COL23A1: variants seen among roughly 807,000 people sequenced by gnomAD.
COL23A1 encodes collagen alpha-1(XXIII) chain.
A neutral mutation model predicts 99.3 loss-of-function variants in COL23A1; 97 were observed. The observed-to-expected ratio is 0.98, with a 90% CI of 0.83 to 1.16. The LOEUF is 1.16. COL23A1 is among the 50% of genes most tolerant of loss of function. COL23A1 has a pLI of 0.00. For synonymous variants in COL23A1, 320 were observed against 308.2 expected (o/e 1.04, Z -0.40); for missense variants, 762 against 757.4 (o/e 1.01, Z -0.07).
intron 3 of COL23A1, among the ~76,000 whole-genome samples, chr5:178,304,506 A>C (rs982450069): frequency 1.6e-4 from 12 of 74,914 alleles, no homozygotes; most frequent in Admixed American, 2.5e-4. Context: ...CGACTGTCTC[A>C]AAAAAAAAAA....
At chr5:178,314,855 T>C (rs1415697257) in intron 2 of COL23A1, among the ~76,000 whole-genome samples, 1 of 152,196 alleles carries the variant, frequency 6.6e-6, no homozygotes, top group Admixed American at 6.5e-5. Context: ...AGTCACGCAG[T>C]TCTGATTGAG....
chr5:178,508,051 T>A (rs1250386253), intron 2 of COL23A1, among the ~76,000 whole-genome samples: 1 of 152,048 alleles, frequency 6.6e-6, no homozygotes, highest in Admixed American at 6.5e-5. Flanking sequence ...TTTGGTCTAT[T>A]TTCTCTCTGT....
chr5:178,504,456 GC>G (rs902250267), intron 2 of COL23A1, among the ~76,000 whole-genome samples: 10 of 152,172 alleles, frequency 6.6e-5, no homozygotes, highest in Admixed American at 3.9e-4. Flanking sequence ...ATGGGGACAG[GC>G]AACAGGTGGG....
intron 2 of COL23A1, among the ~76,000 whole-genome samples, chr5:178,336,195 AAC>A (rs10533047): frequency 0.46 from 69,287 of 151,866 alleles, 16,634 homozygotes; most frequent in East Asian, 0.8. Flanking sequence ...CAAAAAGCTA[AAC>A]ACAGAGTTAC....
intron 2 of COL23A1, among the ~76,000 whole-genome samples, chr5:178,445,867 C>T (rs954431207): frequency 2.6e-5 from 4 of 151,826 alleles, no homozygotes; most frequent in Non-Finnish European, 5.9e-5. Flanking sequence ...AACTGAAAAC[C>T]ATTTTGCAAT....
intron 2 of COL23A1, among the ~76,000 whole-genome samples, chr5:178,516,147 A>T (rs1359554255): frequency 1.3e-5 from 2 of 148,878 alleles, no homozygotes; most frequent in African/African-American, 5.0e-5. Flanking sequence ...CCACCACCCT[A>T]CCCCTCTTCC....
At chr5:178,424,256 T>C (rs915808403) in intron 2 of COL23A1, among the ~76,000 whole-genome samples, 1 of 152,240 alleles carries the variant, frequency 6.6e-6, no homozygotes, top group Non-Finnish European at 1.5e-5. Context: ...TCTCCAGTCC[T>C]CTCCAGGATG....
At chr5:178,286,391 C>T (rs773389074) in intron 5 of COL23A1, among the ~76,000 whole-genome samples, 5 of 152,170 alleles carry the variant, frequency 3.3e-5, no homozygotes, top group Non-Finnish European at 5.9e-5. Context: ...TCCTTCTCTC[C>T]GTTCCCAGCC....
At chr5:178,375,493 T>A (rs1162056541) in intron 2 of COL23A1, among the ~76,000 whole-genome samples, 1 of 152,244 alleles carries the variant, frequency 6.6e-6, no homozygotes, top group Non-Finnish European at 1.5e-5. Context: ...ACTTTCTGTC[T>A]CACACAGAGT....
intron 2 of COL23A1, among the ~76,000 whole-genome samples, chr5:178,386,646 C>A (rs113374901): frequency 3.3e-5 from 5 of 152,170 alleles, no homozygotes; most frequent in African/African-American, 1.2e-4. Flanking sequence ...GTGAACTCCC[C>A]CGCCCCCACA....
rs147603005 is a variant in COL23A1, at chr5:178,554,074, G to A, written c.361+6608C>T. ...ACAAGGAGGATAAGTGTGAGGTCAC[G>A]GAGCCGGTGAGCAACAGAGAATCGG... On this transcript the variant is annotated intron_variant, in intron 2 of 28. Transcript: ENST00000390654. Among the ~76,000 whole-genome samples, 562 of 152,320 alleles carry A rather than the reference G, an allele frequency of 3.7e-3. 5 individuals carry two copies. The highest frequency in any genetic ancestry group is 0.013 in the African/African-American group (545 of 41,574).
chr5:178,527,274 G>A lies in COL23A1; in HGVS notation c.361+33408C>T, dbSNP rs188058332. ...TCTGAGCTGACTGACACTCACCCTCGCCCTGAGAGCTCTCCCTTCTGTGCT... is the reference window on the plus strand; with the variant it reads ...TCTGAGCTGACTGACACTCACCCTCACCCTGAGAGCTCTCCCTTCTGTGCT... On this transcript the variant is annotated intron_variant, in intron 2 of 28. Transcript: ENST00000390654. 2.9e-3 allele frequency among the ~76,000 whole-genome samples: 449 copies of A among 152,314 alleles called. 3 individuals are homozygous for A. The highest frequency in any genetic ancestry group is 5.0e-3 in the Non-Finnish European group (342 of 68,012).
chr5:178,540,040 C>T (rs1239387634), intron 2 of COL23A1, among the ~76,000 whole-genome samples: 1 of 152,184 alleles, frequency 6.6e-6, no homozygotes, highest in Non-Finnish European at 1.5e-5. Flanking sequence ...TTTAGAAACA[C>T]TATTTGACAA....
At chr5:178,405,134 C>T (rs1452938673) in intron 2 of COL23A1, among the ~76,000 whole-genome samples, 1 of 152,348 alleles carries the variant, frequency 6.6e-6, no homozygotes, top group East Asian at 1.9e-4. Flanking sequence ...ACACTGGCAG[C>T]CCAAGGGCCA....
chr5:178,335,806 A>G (rs571291466), intron 2 of COL23A1, among the ~76,000 whole-genome samples: 1 of 152,362 alleles, frequency 6.6e-6, no homozygotes, highest in East Asian at 1.9e-4. Flanking sequence ...AACTTCTTGC[A>G]CAGTTCTTGC....
chr5:178,328,699 C>T (rs1011975195), intron 2 of COL23A1, among the ~76,000 whole-genome samples: 6 of 152,000 alleles, frequency 3.9e-5, no homozygotes, highest in African/African-American at 1.4e-4. Context: ...ACTAATTACT[C>T]GAAAAAAAAG....
chr5:178,580,355 T>C (rs1581677257), intron 1 of COL23A1, among the ~76,000 whole-genome samples: 1 of 149,686 alleles, frequency 6.7e-6, no homozygotes, highest in South Asian at 2.1e-4. Flanking sequence ...AGAAAGAAAC[T>C]AGAGGACATG....
Position 178,541,852 on chromosome 5 carries a change from A to G in COL23A1, c.361+18830T>C, listed in dbSNP as rs116076487. Among the ~76,000 whole-genome samples, 582 of 152,310 alleles carry G rather than the reference A, an allele frequency of 3.8e-3. 1 individual carries two copies. Among genetic ancestry groups the G allele is most frequent in the African/African-American group, 0.014 (563 of 41,578 alleles). On this transcript the variant is annotated intron_variant, in intron 2 of 28. Transcript: ENST00000390654. ...ACAAGAATCCATACCACGTGCTTCT[A>G]TATGAAGTTCAAATGCAGGCAGAAC... is the stretch of plus-strand genomic sequence containing the variant.
chr5:178,499,753 T>C (rs1758420482), intron 2 of COL23A1, among the ~76,000 whole-genome samples: 1 of 152,242 alleles, frequency 6.6e-6, no homozygotes, highest in Admixed American at 6.5e-5. Flanking sequence ...GGTCCAAGAA[T>C]GTTCCTAGCA....
Sources: gnomAD v4.1 joint callset for allele counts (sites outside exome capture counted in the v4.1 genomes callset) on GRCh38, gnomAD v4.1.1 for gene constraint, MANE v1.5 for transcripts, NCBI Gene and HGNC (gene_info 2026-07-23, HGNC 2026-07-21) for gene names.